WIZ: variants seen among roughly 807,000 people sequenced by gnomAD.
WIZ encodes the protein WIZ zinc finger.
WIZ carries 25 observed loss-of-function variants against 140.2 expected under a neutral mutation model. The ratio of observed to expected loss-of-function variants is 0.18; its 90% CI spans 0.13 to 0.25. The LOEUF is 0.25. Among genes scored for constraint, WIZ ranks in the 10% least tolerant of loss-of-function variants. The probability of loss-of-function intolerance (pLI) is 1.00; values close to 1 mark genes in which losing one functional copy is unlikely to be tolerated. For synonymous variants in WIZ, 1,125 were observed against 1,154.3 expected (o/e 0.97, Z 0.51); for missense variants, 2,231 against 2,632.6 (o/e 0.85, Z 3.34).
chr19:15,442,810 C>T lies in WIZ; in HGVS notation c.206-62G>A. ...CCCCCTGGCCGGGGCCCTCCACACC[C>T]CAGCTCCAGGAGCCCTGCCAGGTGC... On this transcript the variant is annotated intron_variant, in intron 2 of 12. Transcript: ENST00000673675. This position sits in a 1 kb window ranked among gnomAD's most constrained non-coding sequence, Gnocchi z 5.5. 2.8e-6 allele frequency: 3 copies of T among 1,085,168 alleles called. No homozygotes were observed. The highest frequency in any genetic ancestry group is 3.5e-6 in the Non-Finnish European group (3 of 853,786). 67.2% of individuals were successfully genotyped at this position (1,085,168 alleles called of 1,614,324 possible).
At position 15,429,956 on chromosome 19, in the gene WIZ, G is replaced by A. The variant is rs757832081; in HGVS notation, c.3045C>T (p.Leu1015=). 6.5e-7 allele frequency: 1 copy of A among 1,536,020 alleles called. No homozygotes were observed. Among genetic ancestry groups the A allele is most frequent in the South Asian group, 1.2e-5 (1 of 84,070 alleles). Residue 1015 remains leucine (L), a synonymous_variant, in exon 7 of 13, where the codon CTC becomes CTT. Coordinates refer to ENST00000673675, the MANE Select transcript of WIZ (RefSeq NM_001371589.1). ...CCTTCTGCTTCACAAGCTCGTAGAG[G>A]AGGTCGATGGGTGCGCCGCTGCTTT... ...ESESSGAPID[L]LYELVKQKGL...
At chr19:15,448,501 T>A in intron 1 of WIZ, 134 bp from the exon 2 acceptor site, 1 of 683,100 alleles carries the variant, frequency 1.5e-6, no homozygotes, top group East Asian at 2.7e-5. Flanking sequence ...GGGGAGCTAA[T>A]GGTGTTCAGA....
In WIZ at chr19:15,424,409, G is replaced by C; in HGVS notation, c.5315-31C>G. The C allele has an allele frequency of 6.3e-7, 1 of 1,591,688 alleles. No individual in the cohort carries two copies. Among genetic ancestry groups the C allele is most frequent in the Non-Finnish European group, 8.5e-7 (1 of 1,172,976 alleles). ...GTGGAGAGGGGGACGGGAGATGAGT[G>C]GGAGGGGTGGATGCTGCAGAGACTT... On this transcript the variant is annotated intron_variant, in intron 11 of 12. Coordinates refer to ENST00000673675, the MANE Select transcript of WIZ (RefSeq NM_001371589.1). The surrounding 1 kb of genome is among the most constrained non-coding windows in gnomAD (Gnocchi z 9.7).
In WIZ at chr19:15,425,051, G is replaced by A; in HGVS notation, c.4895-19C>T. ...TCGGTGGCTGCGGGGCGGAGGGGGT[G>A]CTGCTGAGTCACAGCCCAAAGGGGG... On this transcript the variant is annotated intron_variant, in intron 10 of 12. Coordinates refer to ENST00000673675, the MANE Select transcript of WIZ (RefSeq NM_001371589.1). 1 of 1,548,102 alleles carries A rather than the reference G, an allele frequency of 6.5e-7. No individual in the cohort carries two copies. Among genetic ancestry groups the A allele is most frequent in the Non-Finnish European group, 8.7e-7 (1 of 1,150,846 alleles).
At chr19:15,423,347 G>GCCCAGGAGGCGGGGGAAGAGGGA in intron 12 of WIZ, 112 bp from the exon 13 acceptor site, 1 of 1,345,500 alleles carries the variant, frequency 7.4e-7, no homozygotes, top group Non-Finnish European at 1.0e-6. Context: ...GACAGAGCCA[G>GCCCAGGAGGCGGGGGAAGAGGGA]CCCAGGAGGC....
intron 6 of WIZ, 73 bp from the exon 7 acceptor site, chr19:15,430,162 T>C (rs925167107): frequency 2.1e-6 from 3 of 1,438,668 alleles, no homozygotes; most frequent in Middle Eastern, 2.3e-4. Flanking sequence ...TCTCCTCCCC[T>C]GAGAGTCCCA....
chr19:15,422,371 G>A lies in WIZ; in HGVS notation c.*705C>T, dbSNP rs1016114416. 6.6e-6 allele frequency: 1 copy of A among 152,124 alleles called. No homozygotes were observed. Among genetic ancestry groups the A allele is most frequent in the Non-Finnish European group, 1.5e-5 (1 of 68,070 alleles). The allele number at this position is 152,124 out of a possible 1,614,324, so 9.4% of individuals were successfully genotyped here. A position where few individuals can be genotyped will look rare whatever the true frequency, so the allele number is the denominator to read the frequency against. ...CCACCCCCCAACCCCACCCTCCAGG[G>A]CCCCAGAGCCCCTGAGGCTCTTTGG... On this transcript the variant is annotated 3_prime_UTR_variant, in exon 13 of 13. Transcript: ENST00000673675.
Position 15,431,171 on chromosome 19 carries a change from C to G in WIZ, c.2752G>C (p.Glu918Gln). The G allele has an allele frequency of 1.3e-6, 2 of 1,527,332 alleles. No homozygotes were observed. The highest frequency in any genetic ancestry group is 1.8e-6 in the Non-Finnish European group (2 of 1,141,338). 94.6% of individuals were successfully genotyped at this position (1,527,332 alleles called of 1,614,324 possible). ...GPAYGDGLGS[E>Q]ENAMVAMDLG... ...TCCATGGCCACCATTGCGTTTTCCT[C>G]AGAACCCAGGCCTGTGGGTTGGGGA... The change falls in exon 6 of 13, where the codon GAG becomes CAG. Residue 918 changes from glutamate to glutamine, a missense_variant. By Grantham distance (29) the Glu-to-Gln change is conservative (BLOSUM62 2). Around this residue, in one of 15 missense-constraint regions of WIZ, gnomAD observed 137 missense variants for 135.8 expected, o/e 1.01. Coordinates refer to ENST00000673675, the MANE Select transcript of WIZ (RefSeq NM_001371589.1).
intron 5 of WIZ, among the ~76,000 whole-genome samples, chr19:15,436,050 G>A (rs1568306309): frequency 6.6e-6 from 1 of 152,230 alleles, no homozygotes; most frequent in Non-Finnish European, 1.5e-5. Flanking sequence ...TTGAACCCCG[G>A]AGGCGGAGGT....
intron 2 of WIZ, among the ~76,000 whole-genome samples, 171 bp downstream of exon 2, chr19:15,447,930 CTG>C (rs1470724825): frequency 6.6e-6 from 1 of 152,190 alleles, no homozygotes; most frequent in African/African-American, 2.4e-5. Flanking sequence ...CCCAGGACAC[CTG>C]TTTTCACAAC....
intron 2 of WIZ, among the ~76,000 whole-genome samples, chr19:15,445,475 G>A (rs1353675723): frequency 1.3e-5 from 2 of 152,166 alleles, no homozygotes; most frequent in Admixed American, 1.3e-4. Flanking sequence ...GAAGGCTGGT[G>A]GGAGGCCTGG....
chr19:15,433,766 G>A (rs1485903467), intron 5 of WIZ, among the ~76,000 whole-genome samples: 2 of 152,160 alleles, frequency 1.3e-5, no homozygotes, highest in Non-Finnish European at 2.9e-5. Context: ...CTGAGGTCAA[G>A]TCCCCACTCT....
chr19:15,448,860 G>A (rs1970011134), intron 1 of WIZ, among the ~76,000 whole-genome samples: 1 of 151,924 alleles, frequency 6.6e-6, no homozygotes, highest in Non-Finnish European at 1.5e-5. Context: ...TTCTCCATTG[G>A]GTTGTCCCAT....
rs1302628381 is a variant in WIZ at position 15,440,227 on chromosome 19, G to A, written c.767C>T (p.Thr256Met). 2.0e-6 allele frequency: 3 copies of A among 1,511,588 alleles called. No homozygotes were observed. Among genetic ancestry groups the A allele is most frequent in the South Asian group, 1.2e-5 (1 of 80,818 alleles). The allele number at this position is 1,511,588 out of a possible 1,614,324, so 93.6% of individuals were successfully genotyped here. A position where few individuals can be genotyped will look rare whatever the true frequency, so the allele number is the denominator to read the frequency against. Residue 256 changes from threonine (T) to methionine (M), a missense_variant, in exon 4 of 13, where the codon ACG (threonine) becomes ATG (methionine). Physicochemically the swap from Thr to Met is moderately conservative, Grantham distance 81. Around this residue, in one of 15 missense-constraint regions of WIZ, gnomAD observed 307 missense variants for 294.1 expected, o/e 1.04. Coordinates refer to ENST00000673675, the MANE Select transcript of WIZ (RefSeq NM_001371589.1). The surrounding 1 kb of genome is among the most constrained non-coding windows in gnomAD (Gnocchi z 6.2). Reference protein sequence around the residue: ...LAQPSEWGLPTSASEVATQTW... With the variant: ...LAQPSEWGLPMSASEVATQTW... ...CTGTGTGGCTACCTCCGAGGCTGACGTGGGTAGGCCCCACTCGGACGGCTG... is the reference window on the plus strand; with the variant it reads ...CTGTGTGGCTACCTCCGAGGCTGACATGGGTAGGCCCCACTCGGACGGCTG...
intron 2 of WIZ, 40 bp downstream of exon 2, chr19:15,448,063 G>A (rs1362019450): frequency 3.1e-6 from 5 of 1,607,300 alleles, no homozygotes; most frequent in Non-Finnish European, 4.2e-6. Context: ...TGGGGAATGG[G>A]CTGGATGCTC....
intron 1 of WIZ, 26 bp from the exon 2 acceptor site, chr19:15,448,393 T>C: frequency 6.6e-7 from 1 of 1,514,852 alleles, no homozygotes; most frequent in South Asian, 1.2e-5. Context: ...AGGAAGTGCT[T>C]AGGGGATGGA....
rs987001322 is a variant in WIZ, at chr19:15,428,543, G to A, written c.3416-35C>T. 5.2e-6 allele frequency: 8 copies of A among 1,534,874 alleles called. No homozygotes were observed. Among genetic ancestry groups the A allele is most frequent in the African/African-American group, 1.4e-5 (1 of 72,964 alleles). On this transcript the variant is annotated intron_variant, in intron 7 of 12. Transcript: ENST00000673675. This position sits in a 1 kb window ranked among gnomAD's most constrained non-coding sequence, Gnocchi z 6.4. ...CAAAACACAGGGGGGGTTCACGGCC[G>A]CCACCTTGGCCGGCCTTGGGGGCCT...
At position 15,440,801 on chromosome 19, in the gene WIZ, T is replaced by C. The variant is rs1429545580; in HGVS notation, c.279-86A>G. On this transcript the variant is annotated intron_variant, in intron 3 of 12. Coordinates refer to ENST00000673675, the MANE Select transcript of WIZ (RefSeq NM_001371589.1). This position sits in a 1 kb window ranked among gnomAD's most constrained non-coding sequence, Gnocchi z 6.2. Reference sequence around the variant, plus strand: ...GGTGATGGGGGTCCTCCCAGGCCGTTTGAAGCAGGCCCCGGAGATCCAGCC... The same window carrying C: ...GGTGATGGGGGTCCTCCCAGGCCGTCTGAAGCAGGCCCCGGAGATCCAGCC... The C allele has an allele frequency of 2.1e-5, 29 of 1,359,056 alleles. No homozygotes were observed. Among genetic ancestry groups the C allele is most frequent in the South Asian group, 4.6e-5 (3 of 65,270 alleles). 84.2% of individuals were successfully genotyped at this position (1,359,056 alleles called of 1,614,324 possible). A position where few individuals can be genotyped will look rare whatever the true frequency, so the allele number is the denominator to read the frequency against.
rs1351988591 is a variant in WIZ at position 15,437,079 on chromosome 19, C to T, written c.2467G>A (p.Gly823Arg). 6.2e-6 allele frequency: 10 copies of T among 1,612,856 alleles called. No homozygotes were observed. Among genetic ancestry groups the T allele is most frequent in the Middle Eastern group, 1.6e-4 (1 of 6,072 alleles). ...CCGGCCCGTGTGTCGAAGCCAGCCC[C>T]GCAGAAGTCACAGCGCATCAGGCTG... Reference protein sequence around the residue: ...TFSLMRCDFCGAGFDTRAGLS... With the variant: ...TFSLMRCDFCRAGFDTRAGLS... Residue 823 changes from glycine to arginine, a missense_variant, in exon 5 of 13, where the codon GGG (glycine) becomes AGG (arginine). Transcript: ENST00000673675.
Sources: gnomAD v4.1 joint callset for allele counts (sites outside exome capture counted in the v4.1 genomes callset) on GRCh38, gnomAD v4.1.1 for gene constraint, gnomAD v4.1.1 regional missense constraint, Gnocchi (gnomAD v3.1) non-coding constraint, MANE v1.5 for transcripts, NCBI Gene and HGNC (gene_info 2026-07-23, HGNC 2026-07-21) for gene names.